GLRB: variants seen among roughly 807,000 people sequenced by gnomAD.
GLRB encodes glycine receptor subunit beta.
GLRB carries 33 observed loss-of-function variants against 54.2 expected under a neutral mutation model. The observed-to-expected ratio is 0.61, with a 90% CI of 0.46 to 0.81. GLRB has a LOEUF of 0.81. Ranked by LOEUF, GLRB falls within the 40% of genes least tolerant of loss-of-function variation. The probability of loss-of-function intolerance (pLI) is 0.00; values close to 1 mark genes in which losing one functional copy is unlikely to be tolerated. For missense variants in GLRB, 572 were observed against 584.6 expected, an observed-to-expected ratio of 0.98 and a Z score of 0.22; for synonymous variants, 209 against 208.2, an observed-to-expected ratio of 1.00 and a Z score of -0.03.
intron 8 of GLRB, among the ~76,000 whole-genome samples, chr4:157,145,510 T>G (rs566131681): frequency 1.3e-5 from 2 of 152,210 alleles, no homozygotes; most frequent in Non-Finnish European, 2.9e-5. Context: ...GCAAAGCAGT[T>G]CTACATATTT....
At chr4:157,098,526 G>A (rs1338468115) in intron 2 of GLRB, among the ~76,000 whole-genome samples, 1 of 152,114 alleles carries the variant, frequency 6.6e-6, no homozygotes, top group Non-Finnish European at 1.5e-5. Flanking sequence ...GCTATAAGCT[G>A]ATTCTTAGGA....
Position 157,152,815 on chromosome 4 carries a change from T to G in GLRB, c.1002T>G (p.Ile334Met), listed in dbSNP as rs760636363. ...SYVKALDVWL[I>M]ACLLFGFASL... The stretch of plus-strand genomic sequence containing the variant: ...TGAAGGCTCTTGATGTTTGGCTTAT[T>G]GCTTGCCTTCTCTTTGGGTTTGCTT... Residue 334 changes from isoleucine to methionine, a missense_variant, in exon 9 of 10, where the codon ATT (isoleucine) becomes ATG (methionine). Coordinates refer to ENST00000264428, the MANE Select transcript of GLRB (RefSeq NM_000824.5). 7.4e-6 allele frequency: 12 copies of G among 1,613,948 alleles called. No homozygotes were observed. The highest frequency in any genetic ancestry group is 1.0e-5 in the Non-Finnish European group (12 of 1,179,956).
intron 2 of GLRB, among the ~76,000 whole-genome samples, chr4:157,102,826 G>A (rs550598596): frequency 1.1e-3 from 160 of 152,124 alleles, no homozygotes; most frequent in African/African-American, 3.5e-3. Flanking sequence ...ACCTTGGGGC[G>A]GAGACTTGGC....
intron 6 of GLRB, among the ~76,000 whole-genome samples, chr4:157,137,561 A>G (rs1172198634): frequency 6.6e-6 from 1 of 151,712 alleles, no homozygotes; most frequent in Non-Finnish European, 1.5e-5. Context: ...CTATTTCTTC[A>G]GAGAGTAAAG....
intron 2 of GLRB, among the ~76,000 whole-genome samples, chr4:157,111,847 T>C (rs556759629): frequency 3.2e-4 from 48 of 152,122 alleles, no homozygotes; most frequent in African/African-American, 1.1e-3. Flanking sequence ...GTTCTTTCTT[T>C]TGCTGAATCC....
At chr4:157,164,253 T>C (rs2126628256) in intron 9 of GLRB, among the ~76,000 whole-genome samples, 1 of 152,314 alleles carries the variant, frequency 6.6e-6, no homozygotes, top group South Asian at 2.1e-4. Context: ...GAACTGGTAT[T>C]GAAAGCATAC....
At chr4:157,102,135 A>T (rs1385587200) in intron 2 of GLRB, among the ~76,000 whole-genome samples, 2 of 152,214 alleles carry the variant, frequency 1.3e-5, no homozygotes, top group Non-Finnish European at 2.9e-5. Flanking sequence ...TTGTATGTAT[A>T]CATACAGTGT....
At chr4:157,121,107 A>G (rs1162304488) in intron 3 of GLRB, among the ~76,000 whole-genome samples, 1 of 151,582 alleles carries the variant, frequency 6.6e-6, no homozygotes, top group African/African-American at 2.4e-5. Context: ...ACTTTTTGTT[A>G]TTATTTCACA....
At chr4:157,163,567 G>C (rs1737595741) in intron 9 of GLRB, among the ~76,000 whole-genome samples, 1 of 152,154 alleles carries the variant, frequency 6.6e-6, no homozygotes. Context: ...TATTTGGCAA[G>C]AATAGAGAGG....
intron 9 of GLRB, among the ~76,000 whole-genome samples, chr4:157,160,258 A>AT (rs148524500): frequency 0.13 from 19,023 of 150,648 alleles, 2,555 homozygotes; most frequent in African/African-American, 0.35. Flanking sequence ...TGGTCTATCG[A>AT]TTTTTTTCAT....
intron 6 of GLRB, 121 bp from the exon 7 acceptor site, chr4:157,138,688 A>G: frequency 1.6e-6 from 1 of 624,994 alleles, no homozygotes; most frequent in Non-Finnish European, 2.8e-6. Flanking sequence ...TTAAACTACA[A>G]TTTCATATAA....
At chr4:157,152,054 A>G (rs542330828) in intron 8 of GLRB, among the ~76,000 whole-genome samples, 1 of 152,342 alleles carries the variant, frequency 6.6e-6, no homozygotes, top group Admixed American at 6.5e-5. Context: ...AAAGAGAGCA[A>G]TAAATTATTG....
intron 2 of GLRB, among the ~76,000 whole-genome samples, chr4:157,107,188 C>T (rs1023193976): frequency 6.6e-6 from 1 of 151,992 alleles, no homozygotes; most frequent in African/African-American, 2.4e-5. Flanking sequence ...CTCCTCAAGC[C>T]TTCTTATGCT....
In GLRB at chr4:157,152,723, T is replaced by C. The variant is rs753580125; in HGVS notation, c.910T>C (p.Phe304Leu). The C allele has an allele frequency of 1.2e-6, 2 of 1,613,180 alleles. No homozygotes were observed. Among genetic ancestry groups the C allele is most frequent in the Non-Finnish European group, 8.5e-7 (1 of 1,179,196 alleles). ...ASAARVPLGI[F>L]SVLSLASECT... ...TCCTCTTTCTGTTTCTGTAGGTATC[T>C]TCTCAGTCCTCAGCTTGGCCTCTGA... The change falls in exon 9 of 10, where the codon TTC (phenylalanine) becomes CTC (leucine). Residue 304 changes from phenylalanine to leucine, a missense_variant. Transcript: ENST00000264428.
intron 4 of GLRB, among the ~76,000 whole-genome samples, chr4:157,129,591 A>C (rs1266710259): frequency 6.6e-6 from 1 of 151,818 alleles, no homozygotes; most frequent in Non-Finnish European, 1.5e-5. Context: ...AATAGAAAAG[A>C]ATCTTTGAAG....
chr4:157,116,308 A>G (rs540053236), intron 2 of GLRB, among the ~76,000 whole-genome samples: 1 of 151,976 alleles, frequency 6.6e-6, no homozygotes, highest in East Asian at 1.9e-4. Context: ...GCCCAAGTAG[A>G]ATAAGTTATT....
At chr4:157,117,145 G>A (rs1289027853) in intron 2 of GLRB, among the ~76,000 whole-genome samples, 1 of 151,710 alleles carries the variant, frequency 6.6e-6, no homozygotes, top group Non-Finnish European at 1.5e-5. Context: ...TTTTAACAAT[G>A]CTTAGTAAAA....
rs1203742142 is a variant in GLRB, at chr4:157,115,300, A to G, written c.123-5256A>G. On this transcript the variant is annotated intron_variant, in intron 2 of 9. Transcript: ENST00000264428. ...ACACTTCTTTAATTTCTGTTACTGT[A>G]AGATACCTGCTCTTTAAAAAAAAAT... is the stretch of plus-strand genomic sequence containing the variant. 6.8e-5 allele frequency among the ~76,000 whole-genome samples: 9 copies of G among 132,926 alleles called. No homozygotes were observed. In the Admixed American group the frequency reaches 6.9e-4, roughly 10 times the overall value. The allele number at this position is 132,926 out of a possible 152,430, so 87.2% of individuals were successfully genotyped here.
intron 2 of GLRB, among the ~76,000 whole-genome samples, chr4:157,083,128 G>A (rs1164641075): frequency 6.6e-6 from 1 of 151,724 alleles, no homozygotes; most frequent in African/African-American, 2.4e-5. Flanking sequence ...TTACTTTTTA[G>A]AACTATTTAA....
Sources: gnomAD v4.1 joint callset for allele counts (sites outside exome capture counted in the v4.1 genomes callset) on GRCh38, gnomAD v4.1.1 for gene constraint, MANE v1.5 for transcripts, NCBI Gene and HGNC (gene_info 2026-07-23, HGNC 2026-07-21) for gene names.